The following DNAH14 variants were observed in gnomAD, a reference collection of about 807,000 sequenced individuals.
DNAH14 encodes the protein axonemal beta dynein heavy chain 14.
DNAH14 carries 478 observed loss-of-function variants against 520.9 expected under a neutral mutation model. The ratio of observed to expected loss-of-function variants is 0.92; its 90% CI spans 0.85 to 0.99. The LOEUF is 0.99. DNAH14 is among the 50% of genes least tolerant of loss of function. The pLI, the probability that DNAH14 is intolerant of heterozygous loss-of-function variation, is 0.00. For missense variants in DNAH14, 4,831 were observed against 5,234.5 expected, an observed-to-expected ratio of 0.92 and a Z score of 2.38; for synonymous variants, 1,581 against 1,757.2, an observed-to-expected ratio of 0.90 and a Z score of 2.51.
intron 61 of DNAH14, among the ~76,000 whole-genome samples, chr1:225,321,100 A>C (rs1394412748): frequency 6.6e-6 from 1 of 152,212 alleles, no homozygotes; most frequent in Non-Finnish European, 1.5e-5. Context: ...CAAGCTGATA[A>C]TCTCAGAAAA....
At position 225,335,173 on chromosome 1, in the gene DNAH14, A is replaced by ATGTGCG. The variant is rs1558423987; in HGVS notation, c.10080+1667_10080+1668insTGTGCG. Among the ~76,000 whole-genome samples the ATGTGCG allele has an allele frequency of 1.1e-3, 129 of 114,382 alleles. 4 individuals carry two copies. Among genetic ancestry groups the ATGTGCG allele is most frequent in the African/African-American group, 4.4e-4 (14 of 31,842 alleles). The allele number at this position is 114,382 out of a possible 152,430, so 75.0% of individuals were successfully genotyped here. A position where few individuals can be genotyped will look rare whatever the true frequency, so the allele number is the denominator to read the frequency against. ...TACATGTGTGCATGTGTGCATGTGT[A>ATGTGCG]CATGTGCGCATGTGTGTATATATGC... On this transcript the variant is annotated intron_variant, in intron 66 of 85. Transcript: ENST00000682510.
chr1:225,253,942 C>T (rs2092647723), intron 44 of DNAH14, among the ~76,000 whole-genome samples: 1 of 152,094 alleles, frequency 6.6e-6, no homozygotes, highest in South Asian at 2.1e-4. Context: ...CCAGCTAAAC[C>T]TCTCTTGTAG....
In DNAH14 at chr1:225,050,293, G is replaced by A. The variant is rs762151920; in HGVS notation, c.1996G>A (p.Gly666Arg). The A allele has an allele frequency of 9.7e-6, 15 of 1,549,714 alleles. No homozygotes were observed. Among genetic ancestry groups the A allele is most frequent in the Non-Finnish European group, 1.1e-5 (13 of 1,146,376 alleles). Residue 666 changes from glycine to arginine, a missense_variant, in exon 16 of 86, where the codon GGA becomes AGA. Coordinates refer to ENST00000682510, the MANE Select transcript of DNAH14 (RefSeq NM_001367479.1). ...AATAATGGATTTACCTAATAAGACA[G>A]GAAGCATAATACATTATAAAGAGCA... ...VSIMDLPNKT[G>R]SIIHYKEQTR...
chr1:225,335,984 T>C (rs1441814307), intron 66 of DNAH14, among the ~76,000 whole-genome samples: 2 of 141,682 alleles, frequency 1.4e-5, no homozygotes, highest in Non-Finnish European at 3.1e-5. Context: ...CATATGTGTA[T>C]ATACACACAT....
At chr1:225,098,924 A>C (rs2075217363) in intron 22 of DNAH14, among the ~76,000 whole-genome samples, 2 of 152,312 alleles carry the variant, frequency 1.3e-5, no homozygotes, top group Non-Finnish European at 1.5e-5. Context: ...GTGGGTCTAT[A>C]GTGGATCTGC....
chr1:225,279,486 C>G (rs2093576105), intron 54 of DNAH14, among the ~76,000 whole-genome samples: 1 of 151,994 alleles, frequency 6.6e-6, no homozygotes, highest in Admixed American at 6.6e-5. Flanking sequence ...ATATTTAAGA[C>G]AGAGAATAAA....
chr1:224,941,401 T>G (rs2059409403), intron 1 of DNAH14, among the ~76,000 whole-genome samples: 1 of 152,218 alleles, frequency 6.6e-6, no homozygotes, highest in South Asian at 2.1e-4. Context: ...TTGACTTCAT[T>G]GTAGATTCTG....
chr1:225,268,459 G>A (rs2093199647), intron 49 of DNAH14, among the ~76,000 whole-genome samples: 1 of 152,304 alleles, frequency 6.6e-6, no homozygotes, highest in Non-Finnish European at 1.5e-5. Context: ...ATTCAACATA[G>A]TTTTGGAAGT....
At chr1:225,243,397 C>CA (rs146066594) in intron 43 of DNAH14, among the ~76,000 whole-genome samples, 25 of 150,586 alleles carry the variant, frequency 1.7e-4, no homozygotes, top group African/African-American at 5.3e-4. Flanking sequence ...GGGGGAGAGC[C>CA]AAAAAAAATT....
In DNAH14 at chr1:225,259,144, G is replaced by T. The variant is rs770622680; in HGVS notation, c.7048G>T (p.Ala2350Ser). The change falls in exon 46 of 86, where the codon GCT becomes TCT. Residue 2350 changes from alanine (A) to serine (S), a missense_variant. Physicochemically the swap from Ala to Ser is moderately conservative, Grantham distance 99. Coordinates refer to ENST00000682510, the MANE Select transcript of DNAH14 (RefSeq NM_001367479.1). Reference sequence around the variant, plus strand: ...AGGAGAATCTGGTGTTGGGAAAACTGCTGCCATTAATCAAATGCTTGAAAA... The same window carrying T: ...AGGAGAATCTGGTGTTGGGAAAACTTCTGCCATTAATCAAATGCTTGAAAA... ...LTGESGVGKT[A>S]AINQMLEKLE... is the part of the protein sequence containing the mutation. 4 of 1,542,148 alleles carry T rather than the reference G, an allele frequency of 2.6e-6. No homozygotes were observed. In the East Asian group the frequency reaches 7.4e-5, roughly 29 times the overall value.
intron 66 of DNAH14, 71 bp from the exon 67 acceptor site, chr1:225,337,195 A>G (rs1351895781): frequency 1.6e-6 from 2 of 1,222,756 alleles, no homozygotes; most frequent in Non-Finnish European, 2.3e-6. Context: ...AGGATCTTTT[A>G]GTACCCTGTA....
chr1:225,358,025 A>G (rs2095450392), intron 73 of DNAH14, among the ~76,000 whole-genome samples: 1 of 152,222 alleles, frequency 6.6e-6, no homozygotes, highest in African/African-American at 2.4e-5. Flanking sequence ...TTTGTATTCT[A>G]ATTGCTTAAA....
At chr1:225,140,716 A>G (rs2079368386) in intron 27 of DNAH14, 52 bp from the exon 28 acceptor site, 1 of 1,252,272 alleles carries the variant, frequency 8.0e-7, no homozygotes, top group Non-Finnish European at 1.1e-6. Flanking sequence ...TTATGCTTCA[A>G]TTATATATAT....
At chr1:225,366,655 A>C (rs2095556409) in intron 76 of DNAH14, among the ~76,000 whole-genome samples, 1 of 152,140 alleles carries the variant, frequency 6.6e-6, no homozygotes. Flanking sequence ...TATGTCCTCT[A>C]CTGTGCACAG....
intron 83 of DNAH14, among the ~76,000 whole-genome samples, chr1:225,391,976 G>A (rs747509805): frequency 7.2e-5 from 11 of 151,970 alleles, no homozygotes; most frequent in African/African-American, 2.4e-4. Flanking sequence ...CATGATCATC[G>A]GCCAAGATTG....
chr1:225,190,753 G>A (rs1342085556), intron 37 of DNAH14, among the ~76,000 whole-genome samples: 1 of 152,012 alleles, frequency 6.6e-6, no homozygotes, highest in Non-Finnish European at 1.5e-5. Context: ...GCAGTTATCA[G>A]CAAGTCAAGG....
At chr1:225,221,831 G>A (rs943660805) in intron 41 of DNAH14, among the ~76,000 whole-genome samples, 84 of 152,322 alleles carry the variant, frequency 5.5e-4, no homozygotes, top group African/African-American at 2.0e-3. Flanking sequence ...CTCTAAATAG[G>A]TTGTTTACTG....
chr1:225,338,179 T>G lies in DNAH14; in HGVS notation c.10430T>G (p.Phe3477Cys), dbSNP rs764011998. Reference protein sequence around the residue: ...GDAEFEYNSNFRLYLSTEIDN... With the variant: ...GDAEFEYNSNCRLYLSTEIDN... ...GCTGAGTTCGAATACAATTCAAATT[T>G]TAGGTAATGTGCCACAGCTAAATTG... The change falls in exon 68 of 86, where the codon TTT becomes TGT. Residue 3477 changes from phenylalanine to cysteine, a missense_variant. Phe to Cys is a radical substitution (Grantham distance 205). Transcript: ENST00000682510. 6.4e-7 allele frequency: 1 copy of G among 1,551,862 alleles called. No individual in the cohort carries two copies. The highest frequency in any genetic ancestry group is 1.2e-5 in the South Asian group (1 of 83,940).
intron 75 of DNAH14, among the ~76,000 whole-genome samples, chr1:225,362,394 G>A (rs1251138916): frequency 2.0e-5 from 3 of 151,992 alleles, no homozygotes; most frequent in African/African-American, 7.3e-5. Context: ...GGCCAACATG[G>A]TGAAACCCCG....
Sources: gnomAD v4.1 joint callset for allele counts (sites outside exome capture counted in the v4.1 genomes callset) on GRCh38, gnomAD v4.1.1 for gene constraint, MANE v1.5 for transcripts, NCBI Gene and HGNC (gene_info 2026-07-23, HGNC 2026-07-21) for gene names.